Variants in HNRNPM observed in about 807,000 individuals in gnomAD.
HNRNPM encodes the protein heterogeneous nuclear ribonucleoprotein M, also known as CEA receptor.
Under a neutral mutation model 73.1 loss-of-function variants are expected in HNRNPM, and 11 were observed. That is an observed-to-expected ratio of 0.15 (90% CI 0.09 to 0.25). HNRNPM has a LOEUF of 0.25. HNRNPM is among the 10% of genes least tolerant of loss of function. The pLI is 1.00. For synonymous variants in HNRNPM, 407 were observed against 355.2 expected, an observed-to-expected ratio of 1.15 and a Z score of -1.64; for missense variants, 789 against 1,067.9, an observed-to-expected ratio of 0.74 and a Z score of 3.64.
chr19:8,485,025 T>C (rs529566934), intron 13 of HNRNPM, among the ~76,000 whole-genome samples: 1 of 152,178 alleles, frequency 6.6e-6, no homozygotes, highest in South Asian at 2.1e-4. Context: ...AGAGGATCTC[T>C]CGGTGTGTGT....
At chr19:8,457,136 T>C (rs940042783) in intron 2 of HNRNPM, among the ~76,000 whole-genome samples, 6 of 152,248 alleles carry the variant, frequency 3.9e-5, no homozygotes, top group Admixed American at 1.3e-4. Flanking sequence ...AATGCAATTG[T>C]TAGAATTTTG....
rs764117449 is a variant in HNRNPM, at chr19:8,445,023, GCGGAGGTGGCGGCGA to G, written c.31_45del (p.Val11_Glu15del). The stretch of plus-strand genomic sequence containing the variant: ...AATGGCGGCAGGGGTCGAAGCGGCG[GCGGAGGTGGCGGCGA>G]CGGAGATCAAAATGGAGGAAGAGAG... On this transcript the variant is annotated inframe_deletion, in exon 1 of 16. Transcript: ENST00000325495. The G allele has an allele frequency of 6.3e-6, 9 of 1,423,260 alleles. No homozygotes were observed. The highest frequency in any genetic ancestry group is 1.5e-5 in the African/African-American group (1 of 66,742). The allele number at this position is 1,423,260 out of a possible 1,614,324, so 88.2% of individuals were successfully genotyped here.
intron 2 of HNRNPM, among the ~76,000 whole-genome samples, chr19:8,458,138 G>A (rs182599736): frequency 7.3e-6 from 1 of 136,290 alleles, no homozygotes; most frequent in African/African-American, 3.3e-5. Context: ...AGGATACTCC[G>A]GGGGGAGATT....
In HNRNPM at chr19:8,485,754, C is replaced by A. The variant is rs760361879; in HGVS notation, c.1326C>A (p.Asp442Glu). The change falls in exon 14 of 16, where the codon GAC becomes GAA. Residue 442 changes from aspartate to glutamate, a missense_variant. By Grantham distance (45) the Asp-to-Glu change is conservative. Coordinates refer to ENST00000325495, the MANE Select transcript of HNRNPM (RefSeq NM_005968.5). Reference protein sequence around the residue: ...SEIERMGLVMDRMGSVERMGS... With the variant: ...SEIERMGLVMERMGSVERMGS... ...TCGAGCGCATGGGCCTGGTCATGGA[C>A]CGCATGGGCTCCGTGGAGCGCATGG... The A allele has an allele frequency of 6.9e-6, 11 of 1,602,978 alleles. No individual in the cohort carries two copies. Among genetic ancestry groups the A allele is most frequent in the South Asian group, 1.1e-5 (1 of 90,880 alleles).
chr19:8,466,852 A>AAAAAAG (rs1969791223), intron 7 of HNRNPM, among the ~76,000 whole-genome samples: 1 of 139,000 alleles, frequency 7.2e-6, no homozygotes, highest in Non-Finnish European at 1.6e-5. Flanking sequence ...AAAAAAAAAA[A>AAAAAAG]GGTTCTCTGG....
At chr19:8,459,568 C>G (rs1969259275) in intron 2 of HNRNPM, among the ~76,000 whole-genome samples, 2 of 152,248 alleles carry the variant, frequency 1.3e-5, no homozygotes, top group Admixed American at 6.5e-5. Flanking sequence ...TCAAGTCCCC[C>G]CAACTCCTGT....
chr19:8,470,630 G>A (rs529098585), intron 9 of HNRNPM, among the ~76,000 whole-genome samples: 2 of 152,038 alleles, frequency 1.3e-5, no homozygotes, highest in East Asian at 3.9e-4. Flanking sequence ...GCCTGCCCTT[G>A]TTACGATTTT....
Position 8,466,302 on chromosome 19 carries a change from C to G in HNRNPM, c.698C>G (p.Ala233Gly), listed in dbSNP as rs1337168920. ...VFSMAGVVVRADILEDKDGKS... is the reference protein window; with the variant it reads ...VFSMAGVVVRGDILEDKDGKS... ...AGTATGGCTGGTGTGGTGGTCCGAG[C>G]AGACATTCTTGAAGATAAAGATGGA... Residue 233 changes from alanine (A) to glycine (G), a missense_variant, in exon 7 of 16, where the codon GCA (alanine) becomes GGA (glycine). By Grantham distance (60) the Ala-to-Gly change is moderately conservative (BLOSUM62 0). This residue lies in a region of HNRNPM where 604 missense variants were observed against 744.0 expected (regional missense o/e 0.81). Transcript: ENST00000325495. 1.2e-6 allele frequency: 2 copies of G among 1,613,868 alleles called. No homozygotes were observed. The highest frequency in any genetic ancestry group is 1.7e-6 in the Non-Finnish European group (2 of 1,179,952).
At chr19:8,484,088 CCT>C (rs1971102729) in intron 13 of HNRNPM, among the ~76,000 whole-genome samples, 1 of 151,934 alleles carries the variant, frequency 6.6e-6, no homozygotes, top group African/African-American at 2.4e-5. Flanking sequence ...CCTGATTTTC[CCT>C]CTGAGTATCT....
intron 1 of HNRNPM, among the ~76,000 whole-genome samples, chr19:8,451,096 G>A (rs1268578180): frequency 1.3e-5 from 2 of 151,912 alleles, no homozygotes; most frequent in Non-Finnish European, 1.5e-5. Context: ...TAGTAGAGAC[G>A]GGGTTTCACC....
intron 9 of HNRNPM, among the ~76,000 whole-genome samples, chr19:8,469,440 C>T (rs1483241184): frequency 6.6e-6 from 1 of 152,132 alleles, no homozygotes; most frequent in African/African-American, 2.4e-5. Flanking sequence ...AGTTGCATAT[C>T]TCTGAATATA....
At position 8,445,067 on chromosome 19, in the gene HNRNPM, C is replaced by G. The variant is rs373771781; in HGVS notation, c.69C>G (p.Gly23=). The G allele has an allele frequency of 7.0e-7, 1 of 1,422,456 alleles. No homozygotes were observed. Among genetic ancestry groups the G allele is most frequent in the East Asian group, 2.9e-5 (1 of 34,962 alleles). The allele number at this position is 1,422,456 out of a possible 1,614,324, so 88.1% of individuals were successfully genotyped here. A position where few individuals can be genotyped will look rare whatever the true frequency, so the allele number is the denominator to read the frequency against. ...AGATCAAAATGGAGGAAGAGAGCGG[C>G]GCGCCCGGCGTGCCGAGCGGCAACG... The part of the protein sequence containing the change: ...ATEIKMEEES[G]APGVPSGNGA... The change falls in exon 1 of 16, where the codon GGC becomes GGG. Residue 23 remains glycine (G), a synonymous_variant. Coordinates refer to ENST00000325495, the MANE Select transcript of HNRNPM (RefSeq NM_005968.5).
At chr19:8,481,714 C>A (rs1174096026) in intron 12 of HNRNPM, among the ~76,000 whole-genome samples, 1 of 152,080 alleles carries the variant, frequency 6.6e-6, no homozygotes, top group Non-Finnish European at 1.5e-5. Flanking sequence ...TTCAGGCTGC[C>A]AAAAAGCCTA....
intron 12 of HNRNPM, among the ~76,000 whole-genome samples, chr19:8,481,925 G>A (rs1196225913): frequency 6.6e-6 from 1 of 151,308 alleles, no homozygotes; most frequent in African/African-American, 2.4e-5. Flanking sequence ...AGAAGCAGCT[G>A]TGTGGGGTGC....
chr19:8,454,795 C>T (rs1211375595), intron 1 of HNRNPM, among the ~76,000 whole-genome samples: 1 of 150,082 alleles, frequency 6.7e-6, no homozygotes, highest in Non-Finnish European at 1.5e-5. Flanking sequence ...TCATCCCTCT[C>T]TTCTCCTGTT....
chr19:8,447,310 C>T (rs544256565), intron 1 of HNRNPM, among the ~76,000 whole-genome samples: 1 of 147,284 alleles, frequency 6.8e-6, no homozygotes, highest in East Asian at 2.1e-4. Context: ...CTTTAGAAGC[C>T]TATACTTTTG....
chr19:8,445,418 C>A, intron 1 of HNRNPM: 1 of 272,452 alleles, frequency 3.7e-6, no homozygotes. Flanking sequence ...GGGCCCGGAC[C>A]GGAGAGCCTC....
At chr19:8,451,987 T>C (rs1968664479) in intron 1 of HNRNPM, among the ~76,000 whole-genome samples, 1 of 152,212 alleles carries the variant, frequency 6.6e-6, no homozygotes, top group African/African-American at 2.4e-5. Context: ...AGGAAACCTC[T>C]CAGAGGGAAT....
chr19:8,451,386 A>G (rs547617606), intron 1 of HNRNPM, among the ~76,000 whole-genome samples: 4 of 152,292 alleles, frequency 2.6e-5, no homozygotes, highest in Admixed American at 6.5e-5. Flanking sequence ...ATATGTACGT[A>G]TACATATACA....
Sources: gnomAD v4.1 joint callset for allele counts (sites outside exome capture counted in the v4.1 genomes callset) on GRCh38, gnomAD v4.1.1 for gene constraint, gnomAD v4.1.1 regional missense constraint, MANE v1.5 for transcripts, NCBI Gene and HGNC (gene_info 2026-07-23, HGNC 2026-07-21) for gene names.